YWHAZ: variants seen among roughly 807,000 people sequenced by gnomAD.
YWHAZ encodes 14-3-3 protein zeta/delta.
For missense variants in YWHAZ, 79 were observed against 284.8 expected (o/e 0.28, Z 5.20); for synonymous variants, 87 against 103.6 (o/e 0.84, Z 0.97).
chr8:100,947,607 T>G (rs1418881164), intron 2 of YWHAZ, among the ~76,000 whole-genome samples: 3 of 152,190 alleles, frequency 2.0e-5, no homozygotes, highest in African/African-American at 7.2e-5. Flanking sequence ...CATCACAACT[T>G]TAACAAAAAC....
chr8:100,941,465 G>C (rs910769037), intron 2 of YWHAZ, among the ~76,000 whole-genome samples: 2 of 152,130 alleles, frequency 1.3e-5, no homozygotes, highest in Non-Finnish European at 1.5e-5. Context: ...AAAATTGTTT[G>C]CAAGTTAGAA....
intron 1 of YWHAZ, chr8:100,951,140 G>T (rs955548621): frequency 2.0e-6 from 2 of 984,026 alleles, no homozygotes; most frequent in Non-Finnish European, 2.4e-6. Flanking sequence ...CGGAGCCCAG[G>T]AAATTCAGCT....
Position 100,948,527 on chromosome 8 carries a change from TAAGAGTAA to T in YWHAZ, c.294+61_294+68del. The T allele has an allele frequency of 1.3e-6, 2 of 1,493,196 alleles. No individual in the cohort carries two copies. Among genetic ancestry groups the T allele is most frequent in the Non-Finnish European group, 1.8e-6 (2 of 1,111,910 alleles). 92.5% of individuals were successfully genotyped at this position (1,493,196 alleles called of 1,614,324 possible). On this transcript the variant is annotated intron_variant, in intron 2 of 5. Coordinates refer to ENST00000395958, the MANE Select transcript of YWHAZ (RefSeq NM_145690.3). This position sits in a 1 kb window ranked among gnomAD's most constrained non-coding sequence, Gnocchi z 4.2. ...GGAAAAGAAAAACCAAACAAAAAGT[TAAGAGTAA>T]TGTAACTGATACTCATAGGGACCCT...
At chr8:100,951,546 CAG>C (rs1810783395) in intron 1 of YWHAZ, 1 of 985,354 alleles carries the variant, frequency 1.0e-6, no homozygotes, top group Admixed American at 6.1e-5. Context: ...TGGAAGCCCG[CAG>C]AGACAAGGGT....
intron 2 of YWHAZ, among the ~76,000 whole-genome samples, chr8:100,935,693 AG>A (rs145322881): frequency 0.046 from 6,952 of 152,286 alleles, 168 homozygotes; most frequent in Non-Finnish European, 0.057. Context: ...ACTGGAAGAG[AG>A]TGTGAGGTTG....
At position 100,929,599 on chromosome 8, in the gene YWHAZ, T is replaced by C. The variant is rs369399304; in HGVS notation, c.295-4560A>G. The stretch of plus-strand genomic sequence containing the variant: ...TAACTATAATTTCCCTACTGTACTA[T>C]TGAATACTAGAACTTATTTCTACTA... On this transcript the variant is annotated intron_variant, in intron 2 of 5. Coordinates refer to ENST00000395958, the MANE Select transcript of YWHAZ (RefSeq NM_145690.3). Among the ~76,000 whole-genome samples the C allele has an allele frequency of 7.2e-5, 11 of 152,378 alleles. No individual in the cohort carries two copies. In the East Asian group the frequency reaches 9.6e-4, roughly 13 times the overall value.
In YWHAZ at chr8:100,948,636, T is replaced by G; in HGVS notation, c.254A>C (p.Lys85Thr). Residue 85 changes from lysine (K) to threonine (T), a missense_variant, in exon 2 of 6, where the codon AAA becomes ACA. Lys to Thr is a moderately conservative substitution (Grantham distance 78). Coordinates refer to ENST00000395958, the MANE Select transcript of YWHAZ (RefSeq NM_145690.3). This position sits in a 1 kb window ranked among gnomAD's most constrained non-coding sequence, Gnocchi z 4.2. ...KQQMAREYRE[K>T]IETELRDICN... ...GATATCTCTTAGCTCCGTCTCAATT[T>G]TCTCTCTGTATTCTCGAGCCATCTG... is the stretch of plus-strand genomic sequence containing the variant. The G allele has an allele frequency of 1.9e-6, 3 of 1,610,926 alleles. No individual in the cohort carries two copies. The highest frequency in any genetic ancestry group is 1.7e-5 in the Admixed American group (1 of 60,010).
intron 2 of YWHAZ, among the ~76,000 whole-genome samples, chr8:100,947,314 A>G (rs1228612450): frequency 6.6e-6 from 1 of 152,154 alleles, no homozygotes; most frequent in Non-Finnish European, 1.5e-5. Context: ...CAAAATCACA[A>G]AACAGACATT....
At chr8:100,940,244 AC>A (rs1469109400) in intron 2 of YWHAZ, among the ~76,000 whole-genome samples, 1 of 152,036 alleles carries the variant, frequency 6.6e-6, no homozygotes, top group Non-Finnish European at 1.5e-5. Flanking sequence ...GGCCCAATTT[AC>A]CAGTATTTCC....
intron 2 of YWHAZ, among the ~76,000 whole-genome samples, chr8:100,937,897 G>A (rs1187755834): frequency 1.3e-5 from 2 of 152,204 alleles, no homozygotes; most frequent in Non-Finnish European, 2.9e-5. Context: ...TTGGGAGGCC[G>A]AGGCAGGAGG....
chr8:100,952,163 G>C (rs1040234822), upstream of YWHAZ: 30 of 985,024 alleles, frequency 3.0e-5, no homozygotes, highest in South Asian at 1.9e-4. Context: ...CACAGCGATC[G>C]GGGCCCCGCG....
intron 1 of YWHAZ, chr8:100,950,642 C>G (rs889504305): frequency 1.0e-6 from 1 of 979,592 alleles, no homozygotes; most frequent in African/African-American, 1.8e-5. Context: ...GCAGCCCGCG[C>G]CCCCGCCCAA....
chr8:100,923,180 T>A (rs2130106931), intron 5 of YWHAZ: 1 of 152,324 alleles, frequency 6.6e-6, no homozygotes, highest in East Asian at 1.9e-4. Context: ...AAAAAAACAG[T>A]AATACCTAGA....
At chr8:100,938,443 C>T (rs1814356094) in intron 2 of YWHAZ, among the ~76,000 whole-genome samples, 1 of 152,142 alleles carries the variant, frequency 6.6e-6, no homozygotes. Context: ...CATATTTCTA[C>T]AAATCTATAA....
chr8:100,948,227 T>C lies in YWHAZ; in HGVS notation c.294+369A>G. On this transcript the variant is annotated intron_variant, in intron 2 of 5. Transcript: ENST00000395958. The surrounding 1 kb of genome is among the most constrained non-coding windows in gnomAD (Gnocchi z 4.2). ...CCTATTACATCTCTCTTACCTAAAG[T>C]ATGTAAAATTCCTTTATCCACAGAT... 8.2e-7 allele frequency: 1 copy of C among 1,224,162 alleles called. No individual in the cohort carries two copies. Among genetic ancestry groups the C allele is most frequent in the African/African-American group, 1.5e-5 (1 of 65,632 alleles). The allele number at this position is 1,224,162 out of a possible 1,614,324, so 75.8% of individuals were successfully genotyped here.
At chr8:100,934,731 T>C (rs939035226) in intron 2 of YWHAZ, 2 of 152,084 alleles carry the variant, frequency 1.3e-5, no homozygotes, top group African/African-American at 2.4e-5. Flanking sequence ...AAACATAAGA[T>C]ATACATCAAA....
rs1320048938 is a variant in YWHAZ, at chr8:100,917,029, C to T, written c.*3664G>A. 2.6e-5 allele frequency: 4 copies of T among 152,168 alleles called. No homozygotes were observed. Among genetic ancestry groups the T allele is most frequent in the Non-Finnish European group, 5.9e-5 (4 of 68,038 alleles). The allele number at this position is 152,168 out of a possible 1,614,324, so 9.4% of individuals were successfully genotyped here. ...GAATACAATCAAGCCAAATTTATTT[C>T]TTGACCTTTCCCTAGAGGAATGTGT... On this transcript the variant is annotated 3_prime_UTR_variant, in exon 6 of 6. Transcript: ENST00000395958.
chr8:100,946,999 A>C (rs1403190641), intron 2 of YWHAZ, among the ~76,000 whole-genome samples: 1 of 151,468 alleles, frequency 6.6e-6, no homozygotes, highest in African/African-American at 2.4e-5. Flanking sequence ...CAAGCCTGTA[A>C]TCCCAGCACT....
intron 2 of YWHAZ, among the ~76,000 whole-genome samples, chr8:100,946,936 G>GAAAA (rs1031026805): frequency 6.9e-6 from 1 of 145,486 alleles, no homozygotes; most frequent in African/African-American, 2.5e-5. Context: ...TTTTATTATA[G>GAAAA]AAAAAAAAAA....
Sources: gnomAD v4.1 joint callset for allele counts (sites outside exome capture counted in the v4.1 genomes callset) on GRCh38, gnomAD v4.1.1 for gene constraint, Gnocchi (gnomAD v3.1) non-coding constraint, MANE v1.5 for transcripts, NCBI Gene and HGNC (gene_info 2026-07-23, HGNC 2026-07-21) for gene names.